Variants in VCL observed in about 807,000 individuals in gnomAD.
VCL encodes vinculin, also known as epididymis luminal protein 114.
VCL carries 47 observed loss-of-function variants against 125.7 expected under a neutral mutation model. The ratio of observed to expected loss-of-function variants is 0.37; its 90% CI spans 0.30 to 0.48. The LOEUF is 0.48. VCL is among the 20% of genes least tolerant of loss of function. The pLI, the probability that VCL is intolerant of heterozygous loss-of-function variation, is 0.99. For missense variants in VCL, 1,069 were observed against 1,455.5 expected (o/e 0.73, Z 4.32); for synonymous variants, 458 against 514.6 (o/e 0.89, Z 1.49).
At chr10:74,064,411 CT>C (rs368440267) in intron 2 of VCL, among the ~76,000 whole-genome samples, 6,701 of 146,400 alleles carry the variant, frequency 0.046, 472 homozygotes, top group African/African-American at 0.16. Context: ...ACAAAAGACA[CT>C]TTTTTTTTTT....
intron 1 of VCL, among the ~76,000 whole-genome samples, chr10:74,040,622 T>C (rs1341218285): frequency 6.6e-6 from 1 of 152,238 alleles, no homozygotes; most frequent in Non-Finnish European, 1.5e-5. Flanking sequence ...TCTGGAAATA[T>C]TCTGTCATGT....
At chr10:74,068,119 C>T (rs1022951116) in intron 2 of VCL, among the ~76,000 whole-genome samples, 1 of 152,050 alleles carries the variant, frequency 6.6e-6, no homozygotes, top group African/African-American at 2.4e-5. Flanking sequence ...TGCAATATGG[C>T]AACATTTGTT....
intron 13 of VCL, among the ~76,000 whole-genome samples, chr10:74,099,830 T>C (rs1402930589): frequency 6.6e-6 from 1 of 152,170 alleles, no homozygotes; most frequent in Non-Finnish European, 1.5e-5. Flanking sequence ...AGGCAGAGAT[T>C]CTCAGCATTA....
chr10:74,090,037 T>G lies in VCL; in HGVS notation c.1191T>G (p.Asp397Glu). 6.2e-7 allele frequency: 1 copy of G among 1,614,058 alleles called. No homozygotes were observed. The highest frequency in any genetic ancestry group is 8.5e-7 in the Non-Finnish European group (1 of 1,180,002). ...TCTATGTGTAGAACTGGCTTGCAGA[T>G]CCAAATGGTGGACCGGAAGGAGAAG... ...KIDAAQNWLA[D>E]PNGGPEGEEQ... is the part of the protein sequence containing the mutation. Residue 397 changes from aspartate (D) to glutamate (E), a missense_variant, in exon 10 of 22, where the codon GAT (aspartate) becomes GAG (glutamate). Asp to Glu is a conservative substitution (Grantham distance 45). Transcript: ENST00000211998.
chr10:74,107,866 CG>C (rs767214399), intron 17 of VCL, among the ~76,000 whole-genome samples: 1 of 151,988 alleles, frequency 6.6e-6, no homozygotes, highest in Admixed American at 6.6e-5. Flanking sequence ...CACTACCCCC[CG>C]CAAGTACTGT....
At chr10:74,015,398 C>T (rs372391370) in intron 1 of VCL, among the ~76,000 whole-genome samples, 23 of 152,146 alleles carry the variant, frequency 1.5e-4, no homozygotes, top group South Asian at 6.2e-4. Context: ...ACTAAAAACA[C>T]GAAAAATTAG....
chr10:74,086,439 C>T lies in VCL; in HGVS notation c.1023-2757C>T, dbSNP rs578127165. On this transcript the variant is annotated intron_variant, in intron 8 of 21. Transcript: ENST00000211998. ...ATCTTTTCTCCTGCTGAGAAGCAGT[C>T]TCCTCTGTCATGAGCATGGTAAGAA... Among the ~76,000 whole-genome samples the T allele has an allele frequency of 2.6e-5, 4 of 152,348 alleles. No homozygotes were observed. In the East Asian group the frequency reaches 7.7e-4, roughly 29 times the overall value.
intron 1 of VCL, among the ~76,000 whole-genome samples, chr10:74,017,053 T>C (rs1025985536): frequency 1.5e-5 from 2 of 132,280 alleles, no homozygotes; most frequent in Non-Finnish European, 3.1e-5. Context: ...TTCCTTTTTT[T>C]TTTTTTTTTT....
chr10:74,085,016 G>A (rs1839746693), intron 8 of VCL, among the ~76,000 whole-genome samples: 1 of 152,110 alleles, frequency 6.6e-6, no homozygotes, highest in Admixed American at 6.6e-5. Flanking sequence ...CTCAAGCAAT[G>A]TTCCTTCTTC....
rs998300609 is a variant in VCL at position 74,104,976 on chromosome 10, T to C, written c.2132-75T>C. 8 of 1,509,816 alleles carry C rather than the reference T, an allele frequency of 5.3e-6. No homozygotes were observed. The African/African-American group carries it at 8.3e-5, about 16-fold the overall frequency. The allele number at this position is 1,509,816 out of a possible 1,614,324, so 93.5% of individuals were successfully genotyped here. On this transcript the variant is annotated intron_variant, in intron 15 of 21. Coordinates refer to ENST00000211998, the MANE Select transcript of VCL (RefSeq NM_014000.3). ...GATGTTATACTTTCTCATGAGAAGT[T>C]TGAGTGGATAACAGTGTTTTGGAGT...
intron 6 of VCL, among the ~76,000 whole-genome samples, chr10:74,078,422 T>TA (rs144857138): frequency 0.063 from 9,577 of 152,142 alleles, 1,044 homozygotes; most frequent in African/African-American, 0.22. Flanking sequence ...TTTGTTAAAT[T>TA]AAAAAAAGGT....
At chr10:74,015,948 G>A (rs1009147101) in intron 1 of VCL, among the ~76,000 whole-genome samples, 14 of 152,094 alleles carry the variant, frequency 9.2e-5, no homozygotes, top group African/African-American at 3.1e-4. Flanking sequence ...GCTTCCCAAT[G>A]TGTTGGGATT....
chr10:74,093,420 G>A (rs966921376), intron 10 of VCL, among the ~76,000 whole-genome samples: 10 of 152,132 alleles, frequency 6.6e-5, no homozygotes, highest in African/African-American at 1.9e-4. Context: ...CCTCCATTTT[G>A]TTTCTTTAAT....
intron 1 of VCL, among the ~76,000 whole-genome samples, chr10:74,024,174 A>G (rs997573321): frequency 9.2e-5 from 14 of 152,164 alleles, no homozygotes; most frequent in African/African-American, 3.4e-4. Flanking sequence ...GCAAAGGAAT[A>G]GAGTGATTTT....
At chr10:74,024,247 TA>T (rs1840728718) in intron 1 of VCL, among the ~76,000 whole-genome samples, 1 of 152,202 alleles carries the variant, frequency 6.6e-6, no homozygotes, top group African/African-American at 2.4e-5. Flanking sequence ...ATTCAATTAC[TA>T]TATTGTAAAA....
chr10:74,095,117 G>C (rs1382455748), intron 11 of VCL, among the ~76,000 whole-genome samples: 1 of 152,102 alleles, frequency 6.6e-6, no homozygotes, highest in Non-Finnish European at 1.5e-5. Context: ...GAAATTAAGG[G>C]TTTCTTCCCT....
intron 1 of VCL, among the ~76,000 whole-genome samples, chr10:74,004,847 G>C (rs1451731132): frequency 6.6e-6 from 1 of 151,938 alleles, no homozygotes; most frequent in Non-Finnish European, 1.5e-5. Flanking sequence ...TGGGATTACA[G>C]GCATGCACCA....
intron 1 of VCL, among the ~76,000 whole-genome samples, chr10:74,009,359 C>T (rs939055916): frequency 3.3e-5 from 5 of 151,740 alleles, no homozygotes; most frequent in Non-Finnish European, 7.4e-5. Flanking sequence ...CCCGGGTTCA[C>T]GCCATTCTCC....
chr10:74,083,520 G>T lies in VCL; in HGVS notation c.1022+7G>T, dbSNP rs939883303. The stretch of plus-strand genomic sequence containing the variant: ...TGGCTGACCTCCGTGCCAGGTAAAA[G>T]TTCCTCTGTCCTTACAGAGCAGTAG... On this transcript the variant is annotated splice_region_variant and intron_variant, in intron 8 of 21. Coordinates refer to ENST00000211998, the MANE Select transcript of VCL (RefSeq NM_014000.3). The T allele has an allele frequency of 6.2e-7, 1 of 1,613,602 alleles. No individual in the cohort carries two copies. The highest frequency in any genetic ancestry group is 1.7e-5 in the Admixed American group (1 of 59,998).
Sources: gnomAD v4.1 joint callset for allele counts (sites outside exome capture counted in the v4.1 genomes callset) on GRCh38, gnomAD v4.1.1 for gene constraint, MANE v1.5 for transcripts, NCBI Gene and HGNC (gene_info 2026-07-23, HGNC 2026-07-21) for gene names.